The following PTPN12 variants were observed in gnomAD, a reference collection of about 807,000 sequenced individuals.
The protein encoded by PTPN12 is protein tyrosine phosphatase non-receptor type 12, also known as tyrosine-protein phosphatase non-receptor type 12.
PTPN12 carries 29 observed loss-of-function variants against 97.6 expected under a neutral mutation model. The ratio of observed to expected loss-of-function variants is 0.30; its 90% CI spans 0.22 to 0.41. The LOEUF (loss-of-function observed/expected upper bound fraction) is 0.41. PTPN12 is among the 10% of genes least tolerant of loss of function. The pLI, the probability that PTPN12 is intolerant of heterozygous loss-of-function variation, is 1.00. For synonymous variants in PTPN12, 327 were observed against 300.4 expected (o/e 1.09, Z -0.91); for missense variants, 819 against 926.0 (o/e 0.88, Z 1.50).
At chr7:77,592,838 A>C (rs1787909032) in intron 6 of PTPN12, among the ~76,000 whole-genome samples, 1 of 152,210 alleles carries the variant, frequency 6.6e-6, no homozygotes, top group South Asian at 2.1e-4. Flanking sequence ...TGAATAAAAA[A>C]ATGAAAACAG....
rs756311689 is a variant in PTPN12, at chr7:77,597,792, CTT to C, written c.493-46_493-45del. On this transcript the variant is annotated intron_variant, in intron 6 of 17. Transcript: ENST00000248594. ...AAGTATTTTATTTGTTTTGATGTGT[CTT>C]TTTGTTTTAACGTTTTCACTGACTT... 1.8e-4 allele frequency: 282 copies of C among 1,577,878 alleles called. 1 individual carries two copies. The Middle Eastern group carries it at 4.6e-3, about 26-fold the overall frequency.
chr7:77,620,909 C>T (rs376862534), intron 12 of PTPN12, among the ~76,000 whole-genome samples: 8 of 152,030 alleles, frequency 5.3e-5, no homozygotes, highest in African/African-American at 1.9e-4. Context: ...GTTCATGCCA[C>T]TGCACTCCAG....
rs563627641 is a variant in PTPN12, at chr7:77,592,393, T to A, written c.492+137T>A. The A allele has an allele frequency of 1.6e-5, 11 of 673,718 alleles. No individual in the cohort carries two copies. In the Middle Eastern group the frequency reaches 1.2e-3, roughly 71 times the overall value. 41.7% of individuals were successfully genotyped at this position (673,718 alleles called of 1,614,324 possible). ...AAACCTATGCTTACATTTAAAAAAATTTTGTTTATATACTGCTTTTAAATT... is the reference window on the plus strand; with the variant it reads ...AAACCTATGCTTACATTTAAAAAAAATTTGTTTATATACTGCTTTTAAATT... On this transcript the variant is annotated intron_variant, in intron 6 of 17. Transcript: ENST00000248594.
Position 77,617,508 on chromosome 7 carries a change from A to G in PTPN12, c.940-972A>G, listed in dbSNP as rs575190580. On this transcript the variant is annotated intron_variant, in intron 11 of 17. Transcript: ENST00000248594. ...AAGTAATTGAAGTAACAGTTGGACAAGCTGTCATGATGGACATAGTAGAAG... is the reference window on the plus strand; with the variant it reads ...AAGTAATTGAAGTAACAGTTGGACAGGCTGTCATGATGGACATAGTAGAAG... 3.9e-5 allele frequency among the ~76,000 whole-genome samples: 6 copies of G among 152,360 alleles called. No homozygotes were observed. The South Asian group carries it at 1.0e-3, about 26-fold the overall frequency.
chr7:77,595,164 G>A (rs1199602806), intron 6 of PTPN12, among the ~76,000 whole-genome samples: 2 of 152,184 alleles, frequency 1.3e-5, no homozygotes, highest in Non-Finnish European at 2.9e-5. Flanking sequence ...ATTTGTCAGC[G>A]TCAGGATTGA....
intron 9 of PTPN12, among the ~76,000 whole-genome samples, chr7:77,609,830 G>A (rs570500746): frequency 6.6e-6 from 1 of 150,616 alleles, no homozygotes; most frequent in East Asian, 2.0e-4. Flanking sequence ...GCAGTGAGCG[G>A]ATATCACGCC....
At chr7:77,591,393 TA>T (rs1419245627) in intron 5 of PTPN12, among the ~76,000 whole-genome samples, 2 of 152,222 alleles carry the variant, frequency 1.3e-5, no homozygotes, top group Non-Finnish European at 2.9e-5. Flanking sequence ...CTATTTTCCA[TA>T]AAGTTAGGCT....
chr7:77,539,629 G>GT (rs745735625), intron 1 of PTPN12, among the ~76,000 whole-genome samples: 96 of 148,726 alleles, frequency 6.5e-4, no homozygotes, highest in South Asian at 1.7e-3. Context: ...TGGTTGGTTG[G>GT]TTTTTTTTTT....
In PTPN12 at chr7:77,563,523, G is replaced by C. The variant is rs544002842; in HGVS notation, c.100-7555G>C. ...CTACTATCAGGAAAAATTTCATGAA[G>C]ATGATTTCTGTATTGGGCTAGTAAA... On this transcript the variant is annotated intron_variant, in intron 1 of 17. Transcript: ENST00000248594. 4.6e-5 allele frequency among the ~76,000 whole-genome samples: 7 copies of C among 152,338 alleles called. No homozygotes were observed. In the South Asian group the frequency reaches 1.4e-3, roughly 32 times the overall value.
At chr7:77,625,472 G>GCTCTCTCCCTCT in intron 12 of PTPN12, among the ~76,000 whole-genome samples, 1 of 33,522 alleles carries the variant, frequency 3.0e-5, no homozygotes, top group Non-Finnish European at 5.0e-5. Flanking sequence ...CAGGCTGCTC[G>GCTCTCTCCCTCT]CTCTCTCTCT....
chr7:77,598,095 C>T (rs897781527), intron 7 of PTPN12, among the ~76,000 whole-genome samples, 194 bp downstream of exon 7: 7 of 151,906 alleles, frequency 4.6e-5, no homozygotes, highest in African/African-American at 1.7e-4. Flanking sequence ...GGCATGGTGG[C>T]ATGTGCCCAT....
At chr7:77,541,006 G>A (rs765974208) in intron 1 of PTPN12, among the ~76,000 whole-genome samples, 1 of 152,194 alleles carries the variant, frequency 6.6e-6, no homozygotes, top group Non-Finnish European at 1.5e-5. Flanking sequence ...TGGTGATGAT[G>A]CTCTTTTCGC....
At chr7:77,590,740 T>G (rs1562733298) in intron 5 of PTPN12, among the ~76,000 whole-genome samples, 1 of 152,086 alleles carries the variant, frequency 6.6e-6, no homozygotes, top group Non-Finnish European at 1.5e-5. Context: ...TTTTTGTATT[T>G]TTGAGTAGAG....
intron 2 of PTPN12, among the ~76,000 whole-genome samples, chr7:77,573,919 T>C (rs918434190): frequency 6.6e-6 from 1 of 152,124 alleles, no homozygotes; most frequent in Non-Finnish European, 1.5e-5. Flanking sequence ...CGCTGCCACA[T>C]CCGGCTAATT....
At chr7:77,583,173 A>G (rs995573719) in intron 3 of PTPN12, among the ~76,000 whole-genome samples, 2 of 152,208 alleles carry the variant, frequency 1.3e-5, no homozygotes, top group Non-Finnish European at 2.9e-5. Context: ...AGAAACTAAG[A>G]AAGAGCTCTT....
intron 7 of PTPN12, among the ~76,000 whole-genome samples, chr7:77,599,704 G>A (rs1341575330): frequency 2.0e-5 from 3 of 152,202 alleles, no homozygotes; most frequent in South Asian, 2.1e-4. Context: ...ATACTGTTAC[G>A]TCTGTTGCAC....
rs534822587 is a variant in PTPN12, at chr7:77,593,248, G to A, written c.492+992G>A. Among the ~76,000 whole-genome samples, 20 of 143,444 alleles carry A rather than the reference G, an allele frequency of 1.4e-4. No homozygotes were observed. In the East Asian group the frequency reaches 4.0e-3, roughly 29 times the overall value. The allele number at this position is 143,444 out of a possible 152,430, so 94.1% of individuals were successfully genotyped here. ...TGCACCACTGCACTCCAGTCTGGGC[G>A]ACAAGGGTGAAACTCCATCTCAAAA... On this transcript the variant is annotated intron_variant, in intron 6 of 17. Transcript: ENST00000248594.
At chr7:77,606,808 T>C (rs1479626654) in intron 8 of PTPN12, 1 of 160,042 alleles carries the variant, frequency 6.2e-6, no homozygotes, top group Non-Finnish European at 1.4e-5. Flanking sequence ...ATTAGTCACA[T>C]AGTAGATACT....
chr7:77,566,450 A>G (rs1478279162), intron 1 of PTPN12, among the ~76,000 whole-genome samples: 5 of 152,136 alleles, frequency 3.3e-5, no homozygotes, highest in Admixed American at 3.3e-4. Flanking sequence ...AGGCTGGTGC[A>G]GTGGCTTATG....
Sources: allele counts gnomAD v4.1 joint callset (sites outside exome capture counted in the v4.1 genomes callset), GRCh38; gene constraint gnomAD v4.1.1; transcripts MANE v1.5; gene names NCBI Gene and HGNC (gene_info 2026-07-23, HGNC 2026-07-21).